TRDMT1: variants seen among roughly 807,000 people sequenced by gnomAD.
TRDMT1 encodes the protein tRNA aspartic acid methyltransferase 1.
A neutral mutation model predicts 51.2 loss-of-function variants in TRDMT1; 49 were observed. The observed-to-expected ratio is 0.96, with a 90% confidence interval of 0.76 to 1.21. The LOEUF (loss-of-function observed/expected upper bound fraction) is 1.21, where lower values mean the gene tolerates loss of function less well. Among genes scored for constraint, TRDMT1 ranks in the 50% most tolerant of loss-of-function variants. The pLI is 0.00. For synonymous variants in TRDMT1, 187 were observed against 164.6 expected (o/e 1.14, Z -1.04); for missense variants, 534 against 462.3 (o/e 1.16, Z -1.42).
chr10:17,162,173 G>T lies in TRDMT1; in HGVS notation c.316C>A (p.Leu106Ile). ...TNSFLHILDI[L>I]PRLQKLPKYI... ...AGGAACCTAAGTTTTTACCTTGGGA[G>T]AATATCTAGAATATGTAAGAAGCTA... The change falls in exon 4 of 11, where the codon CTC becomes ATC. Residue 106 changes from leucine to isoleucine, a missense_variant. By Grantham distance (5) the Leu-to-Ile change is conservative. Transcript: ENST00000377799. The T allele has an allele frequency of 6.2e-7, 1 of 1,605,416 alleles. No homozygotes were observed. Among genetic ancestry groups the T allele is most frequent in the Non-Finnish European group, 8.5e-7 (1 of 1,176,538 alleles).
Position 17,153,516 on chromosome 10 carries a change from G to A in TRDMT1, c.1066C>T (p.Pro356Ser), listed in dbSNP as rs1425396391. The A allele has an allele frequency of 1.2e-6, 2 of 1,613,934 alleles. No homozygotes were observed. The highest frequency in any genetic ancestry group is 2.7e-5 in the African/African-American group (2 of 74,936). The change falls in exon 10 of 11, where the codon CCA becomes TCA. Residue 356 changes from proline to serine, a missense_variant. By Grantham distance (74) the Pro-to-Ser change is moderately conservative (BLOSUM62 -1). Coordinates refer to ENST00000377799, the MANE Select transcript of TRDMT1 (RefSeq NM_004412.7). ...KEIANLLGFPPEFGFPEKITV... is the reference protein window; with the variant it reads ...KEIANLLGFPSEFGFPEKITV... ...CACGTATCCCACATACCGAACTCTG[G>A]AGGAAATCCAAGGAGATTTGCTATT...
At chr10:17,149,801 T>G (rs1379492912) in intron 10 of TRDMT1, among the ~76,000 whole-genome samples, 1 of 152,202 alleles carries the variant, frequency 6.6e-6, no homozygotes, top group East Asian at 1.9e-4. Context: ...TGTCATAGCA[T>G]GTATTAATAC....
chr10:17,159,513 T>C (rs942342379), intron 6 of TRDMT1, among the ~76,000 whole-genome samples: 2 of 152,184 alleles, frequency 1.3e-5, no homozygotes, highest in Non-Finnish European at 2.9e-5. Flanking sequence ...GTAGTATAGA[T>C]ATTTTTACAT....
At chr10:17,197,140 G>A (rs1011664051) in intron 1 of TRDMT1, among the ~76,000 whole-genome samples, 16 of 151,878 alleles carry the variant, frequency 1.1e-4, no homozygotes, top group Non-Finnish European at 1.3e-4. Flanking sequence ...TCCTGATTAT[G>A]TTAGCTAGAG....
chr10:17,158,370 T>C (rs560609046), intron 7 of TRDMT1, among the ~76,000 whole-genome samples: 1 of 152,108 alleles, frequency 6.6e-6, no homozygotes, highest in East Asian at 1.9e-4. Flanking sequence ...ATGAAGTCCT[T>C]GAAGTCAATG....
chr10:17,156,384 A>C (rs1376858126), intron 8 of TRDMT1, among the ~76,000 whole-genome samples: 2 of 151,800 alleles, frequency 1.3e-5, no homozygotes, highest in Non-Finnish European at 2.9e-5. Flanking sequence ...GCAGGCACCC[A>C]CCACCATGCC....
intron 2 of TRDMT1, chr10:17,169,289 A>T: frequency 3.5e-6 from 4 of 1,150,118 alleles, no homozygotes; most frequent in Non-Finnish European, 4.4e-6. Context: ...GATGGGGTCT[A>T]GGAAATTTTT....
At position 17,138,127 on chromosome 10, in the gene TRDMT1, T is replaced by A. The variant is rs1837474875; in HGVS notation, c.*10913A>T. Among the ~76,000 whole-genome samples the A allele has an allele frequency of 6.6e-6, 1 of 152,158 alleles. No individual in the cohort carries two copies. Among genetic ancestry groups the A allele is most frequent in the Non-Finnish European group, 1.5e-5 (1 of 68,014 alleles). On this transcript the variant is annotated 3_prime_UTR_variant, in exon 11 of 11. Coordinates refer to ENST00000377799, the MANE Select transcript of TRDMT1 (RefSeq NM_004412.7). ...TGGAGGATGGACAAATTGGCAAGAT[T>A]CTCACACCCCTAATGCTAGCTCCCA... is the stretch of plus-strand genomic sequence containing the variant.
chr10:17,169,621 A>T, intron 2 of TRDMT1: 1 of 899,960 alleles, frequency 1.1e-6, no homozygotes, highest in Non-Finnish European at 1.6e-6. Flanking sequence ...GCACATCTTT[A>T]GCTAGAAACT....
chr10:17,146,617 G>A lies in TRDMT1; in HGVS notation c.*2423C>T. 3 of 985,312 alleles carry A rather than the reference G, an allele frequency of 3.0e-6. No homozygotes were observed. The highest frequency in any genetic ancestry group is 3.6e-6 in the Non-Finnish European group (3 of 829,846). 61.0% of individuals were successfully genotyped at this position (985,312 alleles called of 1,614,324 possible). On this transcript the variant is annotated 3_prime_UTR_variant, in exon 11 of 11. Coordinates refer to ENST00000377799, the MANE Select transcript of TRDMT1 (RefSeq NM_004412.7). ...AGCCGTTTAAAAGAGCAGGGATGATGGGAAAAGGAGAACGAAAAATCGGTT... is the reference window on the plus strand; with the variant it reads ...AGCCGTTTAAAAGAGCAGGGATGATAGGAAAAGGAGAACGAAAAATCGGTT...
chr10:17,164,699 A>C (rs1262897252), intron 3 of TRDMT1, among the ~76,000 whole-genome samples: 3 of 151,456 alleles, frequency 2.0e-5, no homozygotes, highest in African/African-American at 7.4e-5. Context: ...ATGTGCAAAA[A>C]TCACAAGCAT....
intron 1 of TRDMT1, among the ~76,000 whole-genome samples, chr10:17,197,299 T>A (rs574056466): frequency 6.6e-6 from 1 of 152,152 alleles, no homozygotes; most frequent in East Asian, 1.9e-4. Context: ...TGTGGTACTG[T>A]GCTAGAGGCT....
Position 17,138,913 on chromosome 10 carries a change from A to G in TRDMT1, c.*10127T>C, listed in dbSNP as rs940496949. On this transcript the variant is annotated 3_prime_UTR_variant, in exon 11 of 11. Coordinates refer to ENST00000377799, the MANE Select transcript of TRDMT1 (RefSeq NM_004412.7). ...CATGTATACACACGTGTGCACACACAGCTTCCTAATTGTAACTCAAGCAAA... is the reference window on the plus strand; with the variant it reads ...CATGTATACACACGTGTGCACACACGGCTTCCTAATTGTAACTCAAGCAAA... 1.3e-5 allele frequency among the ~76,000 whole-genome samples: 2 copies of G among 152,228 alleles called. No individual in the cohort carries two copies. The highest frequency in any genetic ancestry group is 6.5e-5 in the Admixed American group (1 of 15,284).
Position 17,146,528 on chromosome 10 carries a change from T to C in TRDMT1, c.*2512A>G, listed in dbSNP as rs1470740211. ...ATTTGGTCATCTCTTAGAATTAGTT[T>C]TGGATCCTGAAGACATACTAAAAAT... On this transcript the variant is annotated 3_prime_UTR_variant, in exon 11 of 11. Coordinates refer to ENST00000377799, the MANE Select transcript of TRDMT1 (RefSeq NM_004412.7). 2 of 985,028 alleles carry C rather than the reference T, an allele frequency of 2.0e-6. No homozygotes were observed. Among genetic ancestry groups the C allele is most frequent in the African/African-American group, 1.7e-5 (1 of 57,236 alleles). The allele number at this position is 985,028 out of a possible 1,614,324, so 61.0% of individuals were successfully genotyped here.
rs1840165868 is a variant in TRDMT1 at position 17,160,394 on chromosome 10, A to AG, written c.390-21_390-20insC. The stretch of plus-strand genomic sequence containing the variant: ...AGGTCTCTAAAAAGAAAAAAAAAAA[A>AG]CTTTAATTCTTACTTGGAAAGGCAG... On this transcript the variant is annotated intron_variant, in intron 5 of 10. Coordinates refer to ENST00000377799, the MANE Select transcript of TRDMT1 (RefSeq NM_004412.7). 2.8e-6 allele frequency: 4 copies of AG among 1,433,968 alleles called. No homozygotes were observed. Among genetic ancestry groups the AG allele is most frequent in the Non-Finnish European group, 2.8e-6 (3 of 1,065,044 alleles). 88.8% of individuals were successfully genotyped at this position (1,433,968 alleles called of 1,614,324 possible).
Position 17,147,174 on chromosome 10 carries a change from T to C in TRDMT1, c.*1866A>G, listed in dbSNP as rs976805733. On this transcript the variant is annotated 3_prime_UTR_variant, in exon 11 of 11. Coordinates refer to ENST00000377799, the MANE Select transcript of TRDMT1 (RefSeq NM_004412.7). ...AAACTCTAAACCATTTTATTTAGAA[T>C]ATTTCAGCAGTGAACAGAACCTACA... is the stretch of plus-strand genomic sequence containing the variant. The C allele has an allele frequency of 3.0e-6, 3 of 985,708 alleles. No individual in the cohort carries two copies. Among genetic ancestry groups the C allele is most frequent in the Non-Finnish European group, 2.4e-6 (2 of 829,894 alleles). The allele number at this position is 985,708 out of a possible 1,614,324, so 61.1% of individuals were successfully genotyped here.
intron 6 of TRDMT1, among the ~76,000 whole-genome samples, chr10:17,159,511 G>A (rs746915045): frequency 6.6e-6 from 1 of 151,956 alleles, no homozygotes; most frequent in Non-Finnish European, 1.5e-5. Context: ...ACGTAGTATA[G>A]ATATTTTTAC....
chr10:17,157,313 G>T, intron 8 of TRDMT1, 128 bp downstream of exon 8: 1 of 907,338 alleles, frequency 1.1e-6, no homozygotes, highest in Non-Finnish European at 1.6e-6. Flanking sequence ...GGCAATTAAG[G>T]GAAAATACCT....
rs896750345 is a variant in TRDMT1, at chr10:17,137,374, T to G, written c.*11666A>C. On this transcript the variant is annotated 3_prime_UTR_variant, in exon 11 of 11. Transcript: ENST00000377799. ...AGTAAATTTATTGACCTTCTCTGAT[T>G]TACAATAAAGTCGTAATGTACAAAT... The G allele has an allele frequency of 1.3e-5, 2 of 152,254 alleles. No individual in the cohort carries two copies. The highest frequency in any genetic ancestry group is 4.1e-4 in the South Asian group (2 of 4,820). 9.4% of individuals were successfully genotyped at this position (152,254 alleles called of 1,614,324 possible). A position where few individuals can be genotyped will look rare whatever the true frequency, so the allele number is the denominator to read the frequency against.
Sources: gnomAD v4.1 joint callset for allele counts (sites outside exome capture counted in the v4.1 genomes callset) on GRCh38, gnomAD v4.1.1 for gene constraint, MANE v1.5 for transcripts, NCBI Gene and HGNC (gene_info 2026-07-23, HGNC 2026-07-21) for gene names.